Variants in RFWD3 observed in about 807,000 individuals in gnomAD.
RFWD3 encodes the protein E3 ubiquitin-protein ligase RFWD3.
A neutral mutation model predicts 87.7 loss-of-function variants in RFWD3; 65 were observed. The ratio of observed to expected loss-of-function variants is 0.74; its 90% CI spans 0.61 to 0.91. The LOEUF is 0.91. Ranked by LOEUF, RFWD3 falls within the 40% of genes least tolerant of loss-of-function variation. RFWD3 has a pLI of 0.00. For missense variants in RFWD3, 1,078 were observed against 938.5 expected (o/e 1.15, Z -1.94); for synonymous variants, 433 against 352.8 (o/e 1.23, Z -2.55).
chr16:74,660,178 T>C (rs753505232), intron 2 of RFWD3, among the ~76,000 whole-genome samples: 16 of 152,138 alleles, frequency 1.1e-4, no homozygotes, highest in Non-Finnish European at 1.9e-4. Flanking sequence ...AACTCCTCTA[T>C]TCTATAGTTA....
chr16:74,647,839 G>A (rs193252161), intron 4 of RFWD3, among the ~76,000 whole-genome samples: 2 of 152,200 alleles, frequency 1.3e-5, no homozygotes. Context: ...TGATCCGCCC[G>A]CCTTGGCCTC....
intron 3 of RFWD3, among the ~76,000 whole-genome samples, chr16:74,649,958 A>G (rs929220110): frequency 6.6e-6 from 1 of 152,140 alleles, no homozygotes; most frequent in Non-Finnish European, 1.5e-5. Context: ...CCACCACCAT[A>G]ACCCAATTTA....
chr16:74,628,654 G>C lies in RFWD3; in HGVS notation c.1767C>G (p.Val589=), dbSNP rs1426535457. ...CAGCTCTGGGCATGTATGACAGGGAGACCAGTGGGCATCTGAAAGGAAAGT... is the reference window on the plus strand; with the variant it reads ...CAGCTCTGGGCATGTATGACAGGGACACCAGTGGGCATCTGAAAGGAAAGT... ...LVAQKARCPL[V]SLSYMPRAAS... is the part of the protein sequence containing the mutation. The change falls in exon 11 of 13, where the codon GTC becomes GTG. Residue 589 remains valine, a synonymous_variant. Transcript: ENST00000361070. 1 of 1,614,114 alleles carries C rather than the reference G, an allele frequency of 6.2e-7. No individual in the cohort carries two copies. Among genetic ancestry groups the C allele is most frequent in the Admixed American group, 1.7e-5 (1 of 60,016 alleles).
intron 8 of RFWD3, among the ~76,000 whole-genome samples, chr16:74,635,028 C>T (rs1213833956): frequency 1.3e-5 from 2 of 152,074 alleles, no homozygotes; most frequent in Admixed American, 6.5e-5. Flanking sequence ...CGCCTGTAAT[C>T]CCAGCACTTT....
intron 6 of RFWD3, among the ~76,000 whole-genome samples, chr16:74,641,281 G>C (rs1392948183): frequency 1.3e-5 from 2 of 151,912 alleles, no homozygotes; most frequent in Non-Finnish European, 2.9e-5. Context: ...TCCTGCCTCA[G>C]TCTCCCGAGT....
chr16:74,632,495 T>C lies in RFWD3; in HGVS notation c.1577+28A>G, dbSNP rs1338553783. 1.9e-6 allele frequency: 3 copies of C among 1,612,230 alleles called. No individual in the cohort carries two copies. In the East Asian group the frequency reaches 6.7e-5, roughly 36 times the overall value. On this transcript the variant is annotated intron_variant, in intron 9 of 12. Coordinates refer to ENST00000361070, the MANE Select transcript of RFWD3 (RefSeq NM_018124.4). ...TGCTACTCAACACCAAAGAGCCCAG[T>C]CTCCACCTACTTCCCCAAATCACTC... is the stretch of plus-strand genomic sequence containing the variant.
In RFWD3 at chr16:74,657,475, TTTC is replaced by T. The variant is rs770451045; in HGVS notation, c.518+3454_518+3456del. Among the ~76,000 whole-genome samples the T allele has an allele frequency of 9.7e-3, 736 of 75,814 alleles. 9 individuals are homozygous for T. Among genetic ancestry groups the T allele is most frequent in the Middle Eastern group, 0.032 (6 of 188 alleles). 49.7% of individuals were successfully genotyped at this position (75,814 alleles called of 152,430 possible). On this transcript the variant is annotated intron_variant, in intron 2 of 12. Transcript: ENST00000361070. ...TCACTGACATCACCCAGGTTTTCTT[TTTC>T]TTTTTTTTTTTTTTTGAGACGGAGT... is the stretch of plus-strand genomic sequence containing the variant.
At chr16:74,643,729 G>A (rs1959863908) in intron 6 of RFWD3, among the ~76,000 whole-genome samples, 1 of 138,226 alleles carries the variant, frequency 7.2e-6, no homozygotes, top group African/African-American at 2.8e-5. Flanking sequence ...AGGCTGGAGT[G>A]CAGTGGTGCA....
intron 11 of RFWD3, among the ~76,000 whole-genome samples, chr16:74,627,982 C>T (rs535739542): frequency 2.6e-5 from 4 of 152,344 alleles, no homozygotes; most frequent in Non-Finnish European, 4.4e-5. Context: ...ATGCGTTCCA[C>T]CTCTGATTCC....
intron 2 of RFWD3, among the ~76,000 whole-genome samples, chr16:74,660,225 G>A (rs977114615): frequency 2.6e-5 from 4 of 152,194 alleles, no homozygotes; most frequent in African/African-American, 9.7e-5. Context: ...AGCGGAGATC[G>A]CACCACTGCG....
chr16:74,637,145 A>AAAC (rs60142178), intron 7 of RFWD3, among the ~76,000 whole-genome samples: 6 of 147,886 alleles, frequency 4.1e-5, no homozygotes, highest in Non-Finnish European at 9.0e-5. Flanking sequence ...AAAAAAAAAA[A>AAAC]CAACTTAAAA....
intron 2 of RFWD3, among the ~76,000 whole-genome samples, chr16:74,657,071 C>G (rs1340538839): frequency 6.6e-6 from 1 of 152,206 alleles, no homozygotes; most frequent in Non-Finnish European, 1.5e-5. Flanking sequence ...TTTTCACACT[C>G]TGCATTGCTC....
At chr16:74,660,280 A>G (rs989937809) in intron 2 of RFWD3, among the ~76,000 whole-genome samples, 1 of 152,174 alleles carries the variant, frequency 6.6e-6, no homozygotes, top group African/African-American at 2.4e-5. Flanking sequence ...AAAACAAAAC[A>G]AAACCAAAAA....
chr16:74,646,337 C>A (rs1054865995), intron 4 of RFWD3, among the ~76,000 whole-genome samples: 1 of 152,146 alleles, frequency 6.6e-6, no homozygotes, highest in Non-Finnish European at 1.5e-5. Context: ...GATTGTGCCA[C>A]TGCACTCCAG....
chr16:74,665,762 T>TTTG (rs1307232451), intron 1 of RFWD3, among the ~76,000 whole-genome samples: 1 of 151,380 alleles, frequency 6.6e-6, no homozygotes. Context: ...CTTTCTTTTT[T>TTTG]TGAGATGGAG....
chr16:74,662,908 T>C lies in RFWD3; in HGVS notation c.-2-1457A>G, dbSNP rs573648030. On this transcript the variant is annotated intron_variant, in intron 1 of 12. Transcript: ENST00000361070. ...AGAATCTTCAGAATGGTCATGCTTC[T>C]TTTTTTTTTTTTTTGAGATGGAGTC... Among the ~76,000 whole-genome samples the C allele has an allele frequency of 7.8e-5, 11 of 140,770 alleles. No individual in the cohort carries two copies. The East Asian group carries it at 2.1e-3, about 26-fold the overall frequency. 92.4% of individuals were successfully genotyped at this position (140,770 alleles called of 152,430 possible). A position where few individuals can be genotyped will look rare whatever the true frequency, so the allele number is the denominator to read the frequency against.
In RFWD3 at chr16:74,651,938, C is replaced by T. The variant is rs1471666563; in HGVS notation, c.703G>A (p.Gly235Arg). The part of the protein sequence containing the change: ...GGVVDQAEES[G>R]AVILEEQLAG... ...TACTGACCTTCTAAAATGACAGCTCCAGATTCCTCTGCCTGGTCAACAACC... is the reference window on the plus strand; with the variant it reads ...TACTGACCTTCTAAAATGACAGCTCTAGATTCCTCTGCCTGGTCAACAACC... The change falls in exon 3 of 13, where the codon GGA (glycine) becomes AGA (arginine). Residue 235 changes from glycine to arginine, a missense_variant. By Grantham distance (125) the Gly-to-Arg change is moderately radical (BLOSUM62 -2). Coordinates refer to ENST00000361070, the MANE Select transcript of RFWD3 (RefSeq NM_018124.4). 1 of 1,613,894 alleles carries T rather than the reference C, an allele frequency of 6.2e-7. No individual in the cohort carries two copies. Among genetic ancestry groups the T allele is most frequent in the South Asian group, 1.1e-5 (1 of 91,076 alleles).
At chr16:74,632,429 A>G in intron 9 of RFWD3, 94 bp downstream of exon 9, 1 of 1,401,654 alleles carries the variant, frequency 7.1e-7, no homozygotes, top group African/African-American at 1.4e-5. Flanking sequence ...ACAACAACAA[A>G]AAACAGAGCT....
At position 74,652,007 on chromosome 16, in the gene RFWD3, T is replaced by C. The variant is rs751615664; in HGVS notation, c.634A>G (p.Ser212Gly). 1.2e-5 allele frequency: 19 copies of C among 1,613,986 alleles called. No individual in the cohort carries two copies. In the South Asian group the frequency reaches 1.4e-4, roughly 12 times the overall value. The change falls in exon 3 of 13, where the codon AGT (serine) becomes GGT (glycine). Residue 212 changes from serine to glycine, a missense_variant. Coordinates refer to ENST00000361070, the MANE Select transcript of RFWD3 (RefSeq NM_018124.4). ...NPVSEELQVSSSSDSDSDSSA... is the reference protein window; with the variant it reads ...NPVSEELQVSGSSDSDSDSSA... ...CTGTCACTGTCAGAATCAGAACTAC[T>C]AGACACCTGCAACTCTTCAGATACA...
Sources: allele counts gnomAD v4.1 joint callset (sites outside exome capture counted in the v4.1 genomes callset), GRCh38; gene constraint gnomAD v4.1.1; transcripts MANE v1.5; gene names NCBI Gene and HGNC (gene_info 2026-07-23, HGNC 2026-07-21).